SUGCT: variants seen among roughly 807,000 people sequenced by gnomAD.
The protein encoded by SUGCT is succinyl-CoA:glutarate-CoA transferase.
Under a neutral mutation model 55.0 loss-of-function variants are expected in SUGCT, and 41 were observed. The observed-to-expected ratio is 0.74, with a 90% CI of 0.58 to 0.97. The LOEUF (loss-of-function observed/expected upper bound fraction) is 0.97. SUGCT is among the 50% of genes least tolerant of loss of function. The pLI, the probability that SUGCT is intolerant of heterozygous loss-of-function variation, is 0.00. For missense variants in SUGCT, 568 were observed against 547.8 expected (o/e 1.04, Z -0.37); for synonymous variants, 187 against 200.4 (o/e 0.93, Z 0.56).
intron 12 of SUGCT, among the ~76,000 whole-genome samples, chr7:40,576,007 T>G (rs1796733506): frequency 1.3e-5 from 2 of 152,218 alleles, no homozygotes; most frequent in South Asian, 4.2e-4. Context: ...TCTCCCATGT[T>G]GTAAAAACTA....
At chr7:40,862,908 A>G (rs1348244732), downstream of SUGCT, among the ~76,000 whole-genome samples, 1 of 152,052 alleles carries the variant, frequency 6.6e-6, no homozygotes, top group Non-Finnish European at 1.5e-5. Flanking sequence ...TGTTTGATCC[A>G]TCTCCTAGGG....
the SUGCT span, among the ~76,000 whole-genome samples, chr7:40,960,902 C>G: frequency 6.6e-6 from 1 of 152,178 alleles, no homozygotes; most frequent in Non-Finnish European, 1.5e-5. Context: ...AGCAGTCACA[C>G]ACTTATATCA....
Position 40,707,249 on chromosome 7 carries a change from T to C in SUGCT, c.1090-42185T>C, listed in dbSNP as rs1203738. Reference sequence around the variant, plus strand: ...AAAATCTACTTTTTTTTTTTTTTTTTAAAAAGGCAGAACTGTTTGGGCAAA... The same window carrying C: ...AAAATCTACTTTTTTTTTTTTTTTTCAAAAAGGCAGAACTGTTTGGGCAAA... On this transcript the variant is annotated intron_variant, in intron 12 of 13. Transcript: ENST00000335693. Among the ~76,000 whole-genome samples, 4 of 150,304 alleles carry C rather than the reference T, an allele frequency of 2.7e-5. No homozygotes were observed. The South Asian group carries it at 8.4e-4, about 32-fold the overall frequency.
chr7:40,949,696 A>G, the SUGCT span, among the ~76,000 whole-genome samples: 1 of 152,176 alleles, frequency 6.6e-6, no homozygotes, highest in Non-Finnish European at 1.5e-5. Flanking sequence ...TCCCAACACC[A>G]TTTATTAAAT....
At chr7:40,604,891 C>T (rs1798450909) in intron 12 of SUGCT, among the ~76,000 whole-genome samples, 1 of 152,172 alleles carries the variant, frequency 6.6e-6, no homozygotes, top group African/African-American at 2.4e-5. Flanking sequence ...AACAGAATGC[C>T]AAGGAGCAGG....
chr7:40,686,026 A>G (rs1328501716), intron 12 of SUGCT, among the ~76,000 whole-genome samples: 2 of 152,146 alleles, frequency 1.3e-5, no homozygotes, highest in South Asian at 2.1e-4. Context: ...CATCTATCCA[A>G]TTGTCTGCAT....
At chr7:40,583,145 A>G (rs1003878548) in intron 12 of SUGCT, among the ~76,000 whole-genome samples, 1 of 152,168 alleles carries the variant, frequency 6.6e-6, no homozygotes, top group Admixed American at 6.6e-5. Context: ...CAACAAATGA[A>G]TTGAATGGGG....
At chr7:40,605,618 C>CTATT (rs1304099038) in intron 12 of SUGCT, among the ~76,000 whole-genome samples, 1 of 151,996 alleles carries the variant, frequency 6.6e-6, no homozygotes, top group Non-Finnish European at 1.5e-5. Context: ...AAAGAGAATA[C>CTATT]CTACAATCTT....
downstream of SUGCT, among the ~76,000 whole-genome samples, chr7:40,862,136 G>A (rs1013147962): frequency 6.6e-6 from 1 of 152,102 alleles, no homozygotes; most frequent in Non-Finnish European, 1.5e-5. Context: ...CTAAATATCT[G>A]GCTAAACATA....
intron 7 of SUGCT, among the ~76,000 whole-genome samples, chr7:40,264,764 T>A (rs1791449569): frequency 2.0e-5 from 3 of 152,228 alleles, no homozygotes; most frequent in African/African-American, 7.2e-5. Context: ...AATCAAAGTC[T>A]CTGAATTCAA....
chr7:40,680,823 T>A (rs1179623216), intron 12 of SUGCT, among the ~76,000 whole-genome samples: 2 of 152,308 alleles, frequency 1.3e-5, no homozygotes, highest in East Asian at 3.9e-4. Context: ...GGGTTGGCAG[T>A]CTTCTAAAGT....
intron 9 of SUGCT, among the ~76,000 whole-genome samples, chr7:40,418,225 TTTGA>T (rs1787118074): frequency 6.6e-6 from 1 of 152,158 alleles, no homozygotes; most frequent in African/African-American, 2.4e-5. Flanking sequence ...TTCCTGATTG[TTTGA>T]TTGCAAGGAG....
intron 13 of SUGCT, among the ~76,000 whole-genome samples, chr7:40,853,179 C>T (rs1385135070): frequency 2.6e-5 from 4 of 151,678 alleles, no homozygotes; most frequent in Non-Finnish European, 5.9e-5. Context: ...GATCTTGGCA[C>T]CGGGATAGAT....
At chr7:40,242,926 TATA>T (rs1562605039) in intron 7 of SUGCT, among the ~76,000 whole-genome samples, 16 of 33,680 alleles carry the variant, frequency 4.8e-4, no homozygotes, top group East Asian at 1.0e-3. Context: ...TATATATATA[TATA>T]TATATTTTTT....
At chr7:40,500,230 A>G (rs1792203874) in intron 12 of SUGCT, among the ~76,000 whole-genome samples, 1 of 152,184 alleles carries the variant, frequency 6.6e-6, no homozygotes, top group Admixed American at 6.5e-5. Context: ...AGGGTAGGGA[A>G]GAGAGGGCAC....
At chr7:40,665,605 G>A (rs1243445765) in intron 12 of SUGCT, among the ~76,000 whole-genome samples, 1 of 152,116 alleles carries the variant, frequency 6.6e-6, no homozygotes, top group East Asian at 1.9e-4. Flanking sequence ...TGAAGTAAGA[G>A]AAAGGAATAA....
chr7:40,381,308 A>G (rs1237505302), intron 9 of SUGCT, among the ~76,000 whole-genome samples: 1 of 152,112 alleles, frequency 6.6e-6, no homozygotes, highest in Non-Finnish European at 1.5e-5. Flanking sequence ...TTTAATAATA[A>G]GAAAATTGTA....
At chr7:40,378,329 C>G (rs1784707057) in intron 9 of SUGCT, among the ~76,000 whole-genome samples, 2 of 152,080 alleles carry the variant, frequency 1.3e-5, no homozygotes, top group South Asian at 4.1e-4. Context: ...TTCTACTATT[C>G]AGACTGGATA....
At chr7:40,227,876 A>ATT (rs1562593240) in intron 6 of SUGCT, among the ~76,000 whole-genome samples, 6 of 147,612 alleles carry the variant, frequency 4.1e-5, no homozygotes, top group Admixed American at 6.7e-5. Flanking sequence ...ATTTATTTAT[A>ATT]TATTTATTTA....
Sources: gnomAD v4.1 joint callset for allele counts (sites outside exome capture counted in the v4.1 genomes callset) on GRCh38, gnomAD v4.1.1 for gene constraint, MANE v1.5 for transcripts, NCBI Gene and HGNC (gene_info 2026-07-23, HGNC 2026-07-21) for gene names.